The following FSTL5 variants were observed in gnomAD, a reference collection of about 807,000 sequenced individuals.
The protein encoded by FSTL5 is follistatin-related protein 5.
Under a neutral mutation model 89.1 loss-of-function variants are expected in FSTL5, and 62 were observed. The ratio of observed to expected loss-of-function variants is 0.70; its 90% CI spans 0.57 to 0.86. FSTL5 has a LOEUF of 0.86. Ranked by LOEUF, FSTL5 falls within the 40% of genes least tolerant of loss-of-function variation. The probability of loss-of-function intolerance (pLI) is 0.00; values close to 1 mark genes in which losing one functional copy is unlikely to be tolerated. For missense variants in FSTL5, 1,057 were observed against 1,001.6 expected (o/e 1.06, Z -0.75); for synonymous variants, 383 against 346.2 (o/e 1.11, Z -1.18).
intron 4 of FSTL5, among the ~76,000 whole-genome samples, chr4:161,849,883 C>A (rs975401157): frequency 2.0e-5 from 3 of 152,044 alleles, no homozygotes; most frequent in African/African-American, 7.2e-5. Context: ...TTTGATATCA[C>A]CACTGCTGTC....
chr4:161,525,108 C>T (rs566001838), intron 10 of FSTL5, among the ~76,000 whole-genome samples: 21 of 152,058 alleles, frequency 1.4e-4, no homozygotes, highest in Admixed American at 3.3e-4. Context: ...AGTCTCATCG[C>T]GCTTTGCTTG....
At chr4:161,963,729 C>G (rs965678252) in intron 3 of FSTL5, among the ~76,000 whole-genome samples, 4 of 151,888 alleles carry the variant, frequency 2.6e-5, no homozygotes, top group African/African-American at 9.7e-5. Flanking sequence ...AATGTACATA[C>G]TTATGATTAC....
intron 6 of FSTL5, among the ~76,000 whole-genome samples, chr4:161,690,256 T>C (rs1165992952): frequency 6.6e-6 from 1 of 152,168 alleles, no homozygotes; most frequent in African/African-American, 2.4e-5. Flanking sequence ...TTCTACCTCC[T>C]TGTCTATACC....
At chr4:161,837,582 A>G (rs1382901255) in intron 4 of FSTL5, among the ~76,000 whole-genome samples, 9 of 152,112 alleles carry the variant, frequency 5.9e-5, no homozygotes, top group Non-Finnish European at 5.9e-5. Context: ...AACTAGGTAA[A>G]GCACTTTAAA....
intron 2 of FSTL5, among the ~76,000 whole-genome samples, chr4:162,054,102 T>C (rs1046265901): frequency 6.6e-6 from 1 of 151,812 alleles, no homozygotes; most frequent in Admixed American, 6.6e-5. Flanking sequence ...AATATGCATA[T>C]ACACCTACAT....
chr4:161,918,387 G>A (rs950848130), intron 4 of FSTL5, among the ~76,000 whole-genome samples: 3 of 152,088 alleles, frequency 2.0e-5, no homozygotes, highest in Non-Finnish European at 4.4e-5. Flanking sequence ...AAATAACCCA[G>A]ACAGTATAAA....
At chr4:161,755,405 CT>C (rs1421189735) in intron 6 of FSTL5, among the ~76,000 whole-genome samples, 2 of 151,974 alleles carry the variant, frequency 1.3e-5, no homozygotes, top group African/African-American at 2.4e-5. Context: ...TTACCATTAA[CT>C]TTTTCCTGTT....
intron 1 of FSTL5, among the ~76,000 whole-genome samples, chr4:162,126,060 C>T (rs1308716419): frequency 6.7e-6 from 1 of 149,144 alleles, no homozygotes; most frequent in African/African-American, 2.4e-5. Context: ...TTTTACCAAA[C>T]ATATGAAATT....
intron 4 of FSTL5, among the ~76,000 whole-genome samples, chr4:161,852,192 T>G (rs1313183434): frequency 6.6e-6 from 1 of 151,848 alleles, no homozygotes; most frequent in African/African-American, 2.4e-5. Flanking sequence ...TATATATATA[T>G]ATATTTATTT....
intron 2 of FSTL5, among the ~76,000 whole-genome samples, chr4:162,046,224 C>T (rs1738172218): frequency 6.6e-6 from 1 of 152,046 alleles, no homozygotes; most frequent in African/African-American, 2.4e-5. Context: ...CTCTGAAGTT[C>T]ATATTCTATC....
intron 4 of FSTL5, among the ~76,000 whole-genome samples, chr4:161,832,293 C>T (rs988168240): frequency 1.5e-4 from 23 of 152,146 alleles, no homozygotes; most frequent in South Asian, 6.2e-4. Context: ...GGAGGTGAGA[C>T]GATCCTTCCA....
In FSTL5 at chr4:162,066,370, TCTC is replaced by T. The variant is rs1561000615; in HGVS notation, c.127-32715_127-32713del. Among the ~76,000 whole-genome samples the T allele has an allele frequency of 5.4e-4, 75 of 137,800 alleles. 1 individual carries two copies. The highest frequency in any genetic ancestry group is 1.7e-3 in the African/African-American group (63 of 37,864). 90.4% of individuals were successfully genotyped at this position (137,800 alleles called of 152,430 possible). The stretch of plus-strand genomic sequence containing the variant: ...TTCTTCTTCTCCTTCTTCTTCTTCT[TCTC>T]CTTCTTCTTCTTCTTCATTTTCCTT... On this transcript the variant is annotated intron_variant, in intron 2 of 15. Transcript: ENST00000306100.
chr4:161,609,865 T>C (rs1308137969), intron 7 of FSTL5, among the ~76,000 whole-genome samples: 2 of 152,154 alleles, frequency 1.3e-5, no homozygotes, highest in African/African-American at 4.8e-5. Context: ...TTTCAAAGAC[T>C]GTTTGCTACA....
chr4:162,091,528 C>T (rs1730549489), intron 2 of FSTL5, among the ~76,000 whole-genome samples: 2 of 152,124 alleles, frequency 1.3e-5, no homozygotes, highest in African/African-American at 4.8e-5. Context: ...CCTCCTTCCC[C>T]AGTTAACCTG....
At position 161,572,343 on chromosome 4, in the gene FSTL5, AAGAG is replaced by A. The variant is rs529266724; in HGVS notation, c.1015+15108_1015+15111del. Among the ~76,000 whole-genome samples, 174 of 124,522 alleles carry A rather than the reference AAGAG, an allele frequency of 1.4e-3. 1 individual carries two copies. Among genetic ancestry groups the A allele is most frequent in the African/African-American group, 3.8e-3 (132 of 34,386 alleles). 81.7% of individuals were successfully genotyped at this position (124,522 alleles called of 152,430 possible). A position where few individuals can be genotyped will look rare whatever the true frequency, so the allele number is the denominator to read the frequency against. On this transcript the variant is annotated intron_variant, in intron 8 of 15. Transcript: ENST00000306100. ...TAAAAAAAAAAAAAAAAAAAAAAAA[AAGAG>A]AGAGAGAGAGAGAAAGAGAAAGAAG...
intron 3 of FSTL5, among the ~76,000 whole-genome samples, chr4:161,995,134 G>A (rs78396025): frequency 0.055 from 8,360 of 151,706 alleles, 265 homozygotes; most frequent in Non-Finnish European, 0.077. Flanking sequence ...TAATAGAGGT[G>A]TACTCTGATA....
intron 9 of FSTL5, 91 bp downstream of exon 9, chr4:161,542,441 A>G (rs898346567): frequency 7.2e-5 from 61 of 843,122 alleles, no homozygotes; most frequent in Non-Finnish European, 1.0e-4. Flanking sequence ...ACCAACACTC[A>G]TTTTTCTTTT....
intron 7 of FSTL5, among the ~76,000 whole-genome samples, chr4:161,630,268 G>A (rs1357797636): frequency 6.6e-6 from 1 of 152,134 alleles, no homozygotes; most frequent in Admixed American, 6.5e-5. Context: ...TGAACAGTGC[G>A]GTGAGTTACT....
Position 161,920,544 on chromosome 4 carries a change from A to G in FSTL5, c.269T>C (p.Met90Thr), listed in dbSNP as rs143690619. The change falls in exon 4 of 16, where the codon ATG becomes ACG. Residue 90 changes from methionine (M) to threonine (T), a missense_variant. By Grantham distance (81) the Met-to-Thr change is moderately conservative (BLOSUM62 -1). This residue lies in a region of FSTL5 where 980 missense variants were observed against 903.2 expected (regional missense o/e 1.08). Coordinates refer to ENST00000306100, the MANE Select transcript of FSTL5 (RefSeq NM_020116.5). ...TTTGTAGTGACGTTTGCAAAGGTCCATACAGGCACATTCTGCTTGCCCTGT... is the reference window on the plus strand; with the variant it reads ...TTTGTAGTGACGTTTGCAAAGGTCCGTACAGGCACATTCTGCTTGCCCTGT... ...RETGQAECAC[M>T]DLCKRHYKPV... is the part of the protein sequence containing the mutation. The G allele has an allele frequency of 8.1e-5, 131 of 1,614,082 alleles. No individual in the cohort carries two copies. The African/African-American group carries it at 1.5e-3, about 19-fold the overall frequency.
Sources: gnomAD v4.1 joint callset for allele counts (sites outside exome capture counted in the v4.1 genomes callset) on GRCh38, gnomAD v4.1.1 for gene constraint, gnomAD v4.1.1 regional missense constraint, MANE v1.5 for transcripts, NCBI Gene and HGNC (gene_info 2026-07-23, HGNC 2026-07-21) for gene names.